Variants in DNAJB6 observed in about 807,000 individuals in gnomAD.
DNAJB6 encodes the protein DnaJ heat shock protein family (Hsp40) member B6, also known as dnaJ homolog subfamily B member 6.
A neutral mutation model predicts 42.7 loss-of-function variants in DNAJB6; 16 were observed. The observed-to-expected ratio is 0.37, with a 90% CI of 0.25 to 0.57. The LOEUF (loss-of-function observed/expected upper bound fraction) is 0.57, where lower values mean the gene tolerates loss of function less well. Ranked by LOEUF, DNAJB6 falls within the 20% of genes least tolerant of loss-of-function variation. The pLI is 0.74. For missense variants in DNAJB6, 347 were observed against 416.8 expected, an observed-to-expected ratio of 0.83 and a Z score of 1.46; for synonymous variants, 170 against 163.5, an observed-to-expected ratio of 1.04 and a Z score of -0.30.
intron 8 of DNAJB6, among the ~76,000 whole-genome samples, chr7:157,407,076 G>T (rs1584949483): frequency 6.6e-6 from 1 of 152,368 alleles, no homozygotes; most frequent in East Asian, 1.9e-4. Context: ...TGCGGAGCAG[G>T]GGTGCGGGGA....
At chr7:157,390,618 TC>T (rs772156063) in intron 8 of DNAJB6, among the ~76,000 whole-genome samples, 5 of 152,108 alleles carry the variant, frequency 3.3e-5, no homozygotes, top group Non-Finnish European at 7.3e-5. Context: ...GGAGCCTCCT[TC>T]CTGCCCGTCT....
At chr7:157,339,233 A>G (rs1798211590) in intron 1 of DNAJB6, among the ~76,000 whole-genome samples, 1 of 146,698 alleles carries the variant, frequency 6.8e-6, no homozygotes, top group Non-Finnish European at 1.5e-5. Context: ...TTCAACCTAG[A>G]TAACCTAAAT....
chr7:157,397,079 G>A (rs1198710765), intron 8 of DNAJB6, among the ~76,000 whole-genome samples: 2 of 152,206 alleles, frequency 1.3e-5, no homozygotes, highest in African/African-American at 2.4e-5. Context: ...GTGTGCACGC[G>A]GTGTGTGTGC....
At chr7:157,343,829 C>T (rs767137855) in intron 1 of DNAJB6, among the ~76,000 whole-genome samples, 10 of 151,932 alleles carry the variant, frequency 6.6e-5, no homozygotes, top group Non-Finnish European at 1.0e-4. Flanking sequence ...TGATTAATGG[C>T]GATTAGGCTA....
At chr7:157,393,072 C>G (rs1801422718) in intron 8 of DNAJB6, among the ~76,000 whole-genome samples, 1 of 152,100 alleles carries the variant, frequency 6.6e-6, no homozygotes, top group African/African-American at 2.4e-5. Context: ...CTCCTGGGTT[C>G]AAGCGATTCT....
chr7:157,386,302 A>G lies in DNAJB6; in HGVS notation c.691+691A>G, dbSNP rs538042941. The G allele has an allele frequency of 1.7e-4, 171 of 984,440 alleles. 2 individuals are homozygous for G. The South Asian group carries it at 7.0e-3, about 40-fold the overall frequency. 61.0% of individuals were successfully genotyped at this position (984,440 alleles called of 1,614,324 possible). ...AAAATAAATGCGAATGTGTTGGTGCATTCTTCCTGAGTGGGATCTGGAGCT... is the reference window on the plus strand; with the variant it reads ...AAAATAAATGCGAATGTGTTGGTGCGTTCTTCCTGAGTGGGATCTGGAGCT... On this transcript the variant is annotated intron_variant, in intron 8 of 9. Transcript: ENST00000262177.
intron 1 of DNAJB6, among the ~76,000 whole-genome samples, chr7:157,344,933 A>G (rs1440989591): frequency 6.6e-6 from 1 of 152,114 alleles, no homozygotes; most frequent in African/African-American, 2.4e-5. Flanking sequence ...TTAAAGTGCT[A>G]CTTTACAGCA....
intron 7 of DNAJB6, 76 bp downstream of exon 7, chr7:157,385,084 CAG>C (rs1800987799): frequency 1.3e-6 from 2 of 1,487,850 alleles, no homozygotes; most frequent in Admixed American, 3.7e-5. Flanking sequence ...GCACGTCTCC[CAG>C]AGTGTGAAGT....
At chr7:157,340,409 CAA>C (rs1798300452) in intron 1 of DNAJB6, among the ~76,000 whole-genome samples, 1 of 150,140 alleles carries the variant, frequency 6.7e-6, no homozygotes. Flanking sequence ...ATATCAAACT[CAA>C]AAAAATGAGG....
chr7:157,390,667 G>A (rs532610784), intron 8 of DNAJB6, among the ~76,000 whole-genome samples: 1 of 152,266 alleles, frequency 6.6e-6, no homozygotes, highest in African/African-American at 2.4e-5. Context: ...TGTGGTCAGC[G>A]CTGTGCTGCG....
intron 9 of DNAJB6, chr7:157,410,679 G>A (rs557215710): frequency 1.3e-5 from 2 of 152,678 alleles, no homozygotes; most frequent in South Asian, 4.1e-4. Context: ...TCAGTTGGAA[G>A]TATTTGTGCC....
At chr7:157,401,203 T>A (rs2117170671) in intron 8 of DNAJB6, among the ~76,000 whole-genome samples, 1 of 152,280 alleles carries the variant, frequency 6.6e-6, no homozygotes, top group East Asian at 1.9e-4. Context: ...TGTACATGAT[T>A]TATATAATTT....
At chr7:157,338,132 G>T in intron 1 of DNAJB6, among the ~76,000 whole-genome samples, 1 of 152,188 alleles carries the variant, frequency 6.6e-6, no homozygotes, top group East Asian at 1.9e-4. Flanking sequence ...TGATTTAGTA[G>T]AAAAGTTAGA....
Position 157,363,286 on chromosome 7 carries a change from C to T in DNAJB6, c.175+16C>T. ...CTGTCGGATGGTGAGTGACAGCGAG[C>T]TGCTGAAGGACCCTGAGCGGGCATG... On this transcript the variant is annotated intron_variant, in intron 3 of 9. Transcript: ENST00000262177. 6.4e-7 allele frequency: 1 copy of T among 1,566,684 alleles called. No homozygotes were observed. The highest frequency in any genetic ancestry group is 1.1e-5 in the South Asian group (1 of 88,138).
intron 8 of DNAJB6, among the ~76,000 whole-genome samples, chr7:157,388,918 A>AT (rs1801211245): frequency 6.6e-6 from 1 of 152,222 alleles, no homozygotes; most frequent in Non-Finnish European, 1.5e-5. Flanking sequence ...GATTCCAAAG[A>AT]TTCCAGGCTT....
At chr7:157,383,077 C>T (rs1382547227) in intron 6 of DNAJB6, among the ~76,000 whole-genome samples, 4 of 152,150 alleles carry the variant, frequency 2.6e-5, no homozygotes, top group Admixed American at 2.6e-4. Context: ...ACGGTCTCAG[C>T]TCACTGCAGC....
chr7:157,354,974 G>A (rs907450134), intron 1 of DNAJB6, among the ~76,000 whole-genome samples: 1 of 152,158 alleles, frequency 6.6e-6, no homozygotes, highest in Non-Finnish European at 1.5e-5. Flanking sequence ...CATCCAAGTG[G>A]CTGTGTCAAG....
chr7:157,376,275 T>TA (rs1800467076), intron 5 of DNAJB6, among the ~76,000 whole-genome samples: 1 of 150,564 alleles, frequency 6.6e-6, no homozygotes, highest in African/African-American at 2.5e-5. Context: ...TATATATATA[T>TA]TTTTTGGTCA....
At chr7:157,337,357 C>T (rs1463016385) in intron 1 of DNAJB6, among the ~76,000 whole-genome samples, 1 of 150,676 alleles carries the variant, frequency 6.6e-6, no homozygotes, top group African/African-American at 2.4e-5. Flanking sequence ...GGGGCCGGGG[C>T]TGGGGTCTGG....
Sources: gnomAD v4.1 joint callset for allele counts (sites outside exome capture counted in the v4.1 genomes callset) on GRCh38, gnomAD v4.1.1 for gene constraint, MANE v1.5 for transcripts, NCBI Gene and HGNC (gene_info 2026-07-23, HGNC 2026-07-21) for gene names.